The following CUBN variants were observed in gnomAD, a reference collection of about 807,000 sequenced individuals.
CUBN encodes 460 kDa receptor.
Under a neutral mutation model 405.3 loss-of-function variants are expected in CUBN, and 282 were observed. The ratio of observed to expected loss-of-function variants is 0.70; its 90% CI spans 0.63 to 0.77. The LOEUF (loss-of-function observed/expected upper bound fraction) is 0.77, where lower values mean the gene tolerates loss of function less well. Ranked by LOEUF, CUBN falls within the 30% of genes least tolerant of loss-of-function variation. CUBN has a pLI of 0.00. For synonymous variants in CUBN, 1,684 were observed against 1,617.0 expected, an observed-to-expected ratio of 1.04 and a Z score of -0.99; for missense variants, 4,514 against 4,475.2, an observed-to-expected ratio of 1.01 and a Z score of -0.25.
chr10:16,842,436 G>T (rs1261439188), intron 60 of CUBN, among the ~76,000 whole-genome samples: 2 of 152,036 alleles, frequency 1.3e-5, no homozygotes, highest in Non-Finnish European at 2.9e-5. Flanking sequence ...TGTCCCACTA[G>T]CCCTCCCAAA....
At chr10:16,880,194 C>T (rs1840628342) in intron 56 of CUBN, among the ~76,000 whole-genome samples, 1 of 152,172 alleles carries the variant, frequency 6.6e-6, no homozygotes, top group Non-Finnish European at 1.5e-5. Context: ...CATAAAACCT[C>T]CTAATGGATA....
chr10:17,000,729 GT>G (rs1410585711), intron 28 of CUBN, among the ~76,000 whole-genome samples: 2 of 152,338 alleles, frequency 1.3e-5, no homozygotes, highest in African/African-American at 4.8e-5. Flanking sequence ...CACACACTGA[GT>G]TTTGTGTTCT....
intron 33 of CUBN, among the ~76,000 whole-genome samples, chr10:16,950,855 A>C (rs1842905630): frequency 6.6e-6 from 1 of 152,006 alleles, no homozygotes; most frequent in African/African-American, 2.4e-5. Context: ...TTCTCAATAG[A>C]CTCATTTCCT....
intron 22 of CUBN, among the ~76,000 whole-genome samples, chr10:17,056,481 C>T (rs1029819169): frequency 2.0e-5 from 3 of 151,956 alleles, no homozygotes; most frequent in South Asian, 2.1e-4. Context: ...TGGTGGCGGG[C>T]GCCTGCAGTC....
chr10:16,891,595 T>C (rs1841008746), intron 54 of CUBN, among the ~76,000 whole-genome samples: 2 of 152,110 alleles, frequency 1.3e-5, no homozygotes, highest in African/African-American at 4.8e-5. Flanking sequence ...TCAGAAAGGA[T>C]GCCGGAAAAC....
At chr10:17,119,081 T>A (rs1026186473) in intron 6 of CUBN, among the ~76,000 whole-genome samples, 5 of 152,234 alleles carry the variant, frequency 3.3e-5, no homozygotes, top group African/African-American at 4.8e-5. Context: ...GGTTCAATAC[T>A]AATTTTACTG....
In CUBN at chr10:16,913,831, A is replaced by G. The variant is rs759665575; in HGVS notation, c.7513T>C (p.Cys2505Arg). ...NNLRLATHPSCNNEHVIVFNG... is the reference protein window; with the variant it reads ...NNLRLATHPSRNNEHVIVFNG... ...CTTACTATCACATGCTCATTGTTGC[A>G]GGACGGATGCGTGGCCAGCCTCAGG... Residue 2505 changes from cysteine (C) to arginine (R), a missense_variant, in exon 48 of 67, where the codon TGC (cysteine) becomes CGC (arginine). Cys to Arg is a radical substitution (Grantham distance 180). Coordinates refer to ENST00000377833, the MANE Select transcript of CUBN (RefSeq NM_001081.4). 5.6e-6 allele frequency: 9 copies of G among 1,613,702 alleles called. No individual in the cohort carries two copies. In the South Asian group the frequency reaches 8.8e-5, roughly 16 times the overall value.
At position 17,047,532 on chromosome 10, in the gene CUBN, T is replaced by C. The variant is rs200252556; in HGVS notation, c.3211A>G (p.Asn1071Asp). The change falls in exon 23 of 67, where the codon AAC becomes GAC. Residue 1071 changes from asparagine to aspartate, a missense_variant. Around this residue, in one of 5 missense-constraint regions of CUBN, gnomAD observed 1,448 missense variants for 1,388.0 expected, o/e 1.04. Coordinates refer to ENST00000377833, the MANE Select transcript of CUBN (RefSeq NM_001081.4). ...GTGATCCGATAAATGCATTCCCAGT[T>C]GTTGGGATAATTATTGGGGAAGTTT... is the stretch of plus-strand genomic sequence containing the variant. ...SPNFPNNYPN[N>D]WECIYRITVR... The C allele has an allele frequency of 8.1e-6, 13 of 1,613,946 alleles. No individual in the cohort carries two copies. The highest frequency in any genetic ancestry group is 2.7e-5 in the African/African-American group (2 of 75,056).
chr10:17,088,079 G>C, intron 15 of CUBN, 85 bp downstream of exon 15: 1 of 955,042 alleles, frequency 1.0e-6, no homozygotes, highest in Non-Finnish European at 1.7e-6. Flanking sequence ...CTAATATTTT[G>C]GGGTCATCCA....
chr10:17,045,466 TCTC>T (rs1458518849), intron 24 of CUBN, among the ~76,000 whole-genome samples: 2 of 151,726 alleles, frequency 1.3e-5, no homozygotes, highest in African/African-American at 4.9e-5. Context: ...TTCAAGCGAT[TCTC>T]CTGCCTCAGC....
intron 59 of CUBN, among the ~76,000 whole-genome samples, chr10:16,865,826 T>C (rs1840168429): frequency 6.6e-6 from 1 of 152,140 alleles, no homozygotes; most frequent in South Asian, 2.1e-4. Context: ...TTTGTTTTTT[T>C]GCTCTTTACA....
chr10:16,954,627 C>T (rs1441723418), intron 31 of CUBN, 79 bp from the exon 32 acceptor site: 70 of 1,451,516 alleles, frequency 4.8e-5, no homozygotes, highest in East Asian at 1.7e-4. Context: ...GTCTGCACGC[C>T]GATATACTAG....
chr10:17,014,684 T>G (rs919535978), intron 28 of CUBN, among the ~76,000 whole-genome samples: 1 of 152,216 alleles, frequency 6.6e-6, no homozygotes, highest in African/African-American at 2.4e-5. Flanking sequence ...TAGAGTCGCC[T>G]GCTGGGATGA....
intron 33 of CUBN, among the ~76,000 whole-genome samples, chr10:16,951,570 C>G (rs547223203): frequency 6.6e-6 from 1 of 152,172 alleles, no homozygotes; most frequent in African/African-American, 2.4e-5. Context: ...CAGCATCACC[C>G]GCTTTGCAGC....
At position 17,123,701 on chromosome 10, in the gene CUBN, A is replaced by C; in HGVS notation, c.388-12T>G. The C allele has an allele frequency of 6.2e-7, 1 of 1,600,558 alleles. No homozygotes were observed. The highest frequency in any genetic ancestry group is 2.2e-5 in the East Asian group (1 of 44,804). On this transcript the variant is annotated splice_polypyrimidine_tract_variant and intron_variant, in intron 4 of 66. Transcript: ENST00000377833. ...TTTTTGTCAACAGTCTGAAACAAAA[A>C]CAGGACAGTCAATGAGATGACTTGC... is the stretch of plus-strand genomic sequence containing the variant.
chr10:17,016,418 GTATCTCCAAAC>G (rs1213252806), intron 28 of CUBN, among the ~76,000 whole-genome samples: 2 of 152,080 alleles, frequency 1.3e-5, no homozygotes, highest in African/African-American at 4.8e-5. Flanking sequence ...AAGACACCAG[GTATCTCCAAAC>G]TCTTGGGCTG....
In CUBN at chr10:16,835,075, G is replaced by A. The variant is rs1839127054; in HGVS notation, c.10301C>T (p.Ser3434Phe). ...TLTAPQNHTI[S>F]LFFHSLGIEN... ...GATGCCAAGTGAATGAAAAAAGAGG[G>A]AAATGGTGTGGTTCTGGGGGGCTGT... Residue 3434 changes from serine (S) to phenylalanine (F), a missense_variant, in exon 64 of 67, where the codon TCC (serine) becomes TTC (phenylalanine). Around this residue, in one of 5 missense-constraint regions of CUBN, gnomAD observed 1,186 missense variants for 1,186.9 expected, o/e 1.00. Transcript: ENST00000377833. The A allele has an allele frequency of 6.2e-7, 1 of 1,614,166 alleles. No homozygotes were observed. The highest frequency in any genetic ancestry group is 1.6e-4 in the Middle Eastern group (1 of 6,062).
chr10:16,998,540 C>G (rs1833796851), intron 28 of CUBN, among the ~76,000 whole-genome samples: 1 of 152,144 alleles, frequency 6.6e-6, no homozygotes, highest in African/African-American at 2.4e-5. Context: ...TTCTGTTGTC[C>G]CATGCCACCC....
chr10:16,990,861 C>T (rs1169541326), intron 28 of CUBN, among the ~76,000 whole-genome samples: 2 of 152,072 alleles, frequency 1.3e-5, no homozygotes, highest in African/African-American at 4.8e-5. Context: ...ATAACATAGT[C>T]GGAAGTACAA....
Sources: allele counts gnomAD v4.1 joint callset (sites outside exome capture counted in the v4.1 genomes callset), GRCh38; gene constraint gnomAD v4.1.1; regional missense constraint gnomAD v4.1.1; transcripts MANE v1.5; gene names NCBI Gene and HGNC (gene_info 2026-07-23, HGNC 2026-07-21).